RAB33B: variants seen among roughly 807,000 people sequenced by gnomAD.
RAB33B encodes the protein RAB33B, member RAS oncogene family.
In RAB33B, 6 loss-of-function variants were observed where a neutral mutation model predicts 15.0. That is an observed-to-expected ratio of 0.40 (90% CI 0.22 to 0.79). RAB33B has a LOEUF of 0.79. Ranked by LOEUF, RAB33B falls within the 30% of genes least tolerant of loss-of-function variation. The pLI is 0.37. For missense variants in RAB33B, 257 were observed against 296.4 expected (o/e 0.87, Z 0.98); for synonymous variants, 117 against 108.3 (o/e 1.08, Z -0.50).
intron 1 of RAB33B, among the ~76,000 whole-genome samples, chr4:139,463,999 A>G (rs978201016): frequency 5.9e-5 from 9 of 152,222 alleles, no homozygotes; most frequent in African/African-American, 1.9e-4. Flanking sequence ...CAGGCTGGGC[A>G]TGATGGCTTT....
the RAB33B span, among the ~76,000 whole-genome samples, chr4:139,446,049 A>C: frequency 2.6e-5 from 4 of 152,172 alleles, no homozygotes; most frequent in African/African-American, 9.7e-5. Flanking sequence ...CTAGCCGTAA[A>C]GTGGGTCATG....
At chr4:139,447,025 A>G in the RAB33B span, among the ~76,000 whole-genome samples, 9 of 152,186 alleles carry the variant, frequency 5.9e-5, no homozygotes, top group African/African-American at 9.7e-5. Flanking sequence ...CCTGCATGCA[A>G]TGCTTCTGCC....
chr4:139,464,394 T>TG (rs1336479547), intron 1 of RAB33B, among the ~76,000 whole-genome samples: 1 of 146,708 alleles, frequency 6.8e-6, no homozygotes, highest in Non-Finnish European at 1.5e-5. Context: ...CTGTTTTTTT[T>TG]TTTTTTTTTT....
At chr4:139,449,302 A>G (rs1749880794), upstream of RAB33B, 1 of 152,102 alleles carries the variant, frequency 6.6e-6, no homozygotes, top group African/African-American at 2.4e-5. Context: ...TGACATTATT[A>G]TTGTCTTTAT....
chr4:139,457,672 C>T (rs1292577448), intron 1 of RAB33B, among the ~76,000 whole-genome samples: 3 of 152,138 alleles, frequency 2.0e-5, no homozygotes, highest in South Asian at 2.1e-4. Flanking sequence ...AATTATGATA[C>T]GGCACAAGGG....
Position 139,454,412 on chromosome 4 carries a change from C to A in RAB33B, c.217C>A (p.Arg73=). The A allele has an allele frequency of 6.2e-7, 1 of 1,612,056 alleles. No homozygotes were observed. Among genetic ancestry groups the A allele is most frequent in the South Asian group, 1.1e-5 (1 of 91,070 alleles). The change falls in exon 1 of 2, where the codon CGA becomes AGA. Residue 73 remains arginine, a synonymous_variant. Transcript: ENST00000305626. ...EATIGVDFRE[R]AVEIDGERIK... ...CACGATAGGGGTGGATTTCCGAGAA[C>A]GAGCGGTGGAGATTGATGGGGAGCG...
chr4:139,448,002 G>A, the RAB33B span, among the ~76,000 whole-genome samples: 1 of 152,116 alleles, frequency 6.6e-6, no homozygotes, highest in African/African-American at 2.4e-5. Context: ...TCTAAGAAGG[G>A]AGTTACAGTG....
chr4:139,460,823 T>C (rs1433993843), intron 1 of RAB33B, among the ~76,000 whole-genome samples: 1 of 152,188 alleles, frequency 6.6e-6, no homozygotes, highest in East Asian at 1.9e-4. Flanking sequence ...GTAAGTAATA[T>C]ACATTTTCAC....
chr4:139,470,116 C>T (rs1439730531), intron 1 of RAB33B, among the ~76,000 whole-genome samples: 1 of 152,218 alleles, frequency 6.6e-6, no homozygotes, highest in African/African-American at 2.4e-5. Context: ...GCCAGCCAGG[C>T]CTGTGTCCTT....
Sources: allele counts gnomAD v4.1 joint callset (sites outside exome capture counted in the v4.1 genomes callset), GRCh38; gene constraint gnomAD v4.1.1; transcripts MANE v1.5; gene names NCBI Gene and HGNC (gene_info 2026-07-23, HGNC 2026-07-21).